RAD51B: variants seen among roughly 807,000 people sequenced by gnomAD.
RAD51B encodes RAD51 paralog B, also known as DNA repair protein RAD51 homolog 2.
A neutral mutation model predicts 42.2 loss-of-function variants in RAD51B; 38 were observed. The ratio of observed to expected loss-of-function variants is 0.90; its 90% CI spans 0.70 to 1.18. RAD51B has a LOEUF of 1.18. RAD51B is among the 50% of genes most tolerant of loss of function. The pLI is 0.00. For synonymous variants in RAD51B, 154 were observed against 145.2 expected (o/e 1.06, Z -0.43); for missense variants, 373 against 400.7 (o/e 0.93, Z 0.59).
chr14:68,184,092 CAAAAAA>C, intron 7 of RAD51B, among the ~76,000 whole-genome samples: 1 of 113,284 alleles, frequency 8.8e-6, no homozygotes, highest in African/African-American at 3.5e-5. Flanking sequence ...GACTCCATCT[CAAAAAA>C]AAAAAAAAAA....
At chr14:68,011,290 A>G (rs184037714) in intron 7 of RAD51B, among the ~76,000 whole-genome samples, 3 of 152,164 alleles carry the variant, frequency 2.0e-5, no homozygotes, top group Admixed American at 6.5e-5. Flanking sequence ...AAATTTATTT[A>G]CTTTTACATT....
At chr14:67,841,705 C>T (rs907452913) in intron 4 of RAD51B, among the ~76,000 whole-genome samples, 7 of 152,018 alleles carry the variant, frequency 4.6e-5, no homozygotes, top group African/African-American at 1.7e-4. Context: ...TTTTCGTTGA[C>T]TTTGTCAAAG....
At chr14:67,915,684 TAA>T (rs1175418631) in intron 7 of RAD51B, among the ~76,000 whole-genome samples, 1 of 152,220 alleles carries the variant, frequency 6.6e-6, no homozygotes, top group Non-Finnish European at 1.5e-5. Flanking sequence ...CATTCTTATA[TAA>T]GAGTTGGATT....
intron 7 of RAD51B, among the ~76,000 whole-genome samples, chr14:67,900,164 TA>T (rs2043562205): frequency 6.6e-6 from 1 of 152,228 alleles, no homozygotes; most frequent in African/African-American, 2.4e-5. Context: ...AATATTTGAT[TA>T]TTTGCAGCTT....
At chr14:68,427,232 T>A (rs1460180797) in intron 9 of RAD51B, among the ~76,000 whole-genome samples, 2 of 152,116 alleles carry the variant, frequency 1.3e-5, no homozygotes, top group African/African-American at 4.8e-5. Context: ...AACTGTGGGG[T>A]TGCAGCTGCC....
In RAD51B at chr14:68,235,539, C is replaced by G. The variant is rs1258758158; in HGVS notation, c.757-56345C>G. Among the ~76,000 whole-genome samples, 18 of 150,764 alleles carry G rather than the reference C, an allele frequency of 1.2e-4. No homozygotes were observed. The East Asian group carries it at 3.1e-3, about 26-fold the overall frequency. On this transcript the variant is annotated intron_variant, in intron 7 of 10. Coordinates refer to ENST00000471583, the MANE Select transcript of RAD51B (RefSeq NM_133510.4). Reference sequence around the variant, plus strand: ...CTAAAACGGTGAAACCCCGTCTCTACTAAAAATACAAAAAATTAGCCGGGC... The same window carrying G: ...CTAAAACGGTGAAACCCCGTCTCTAGTAAAAATACAAAAAATTAGCCGGGC...
chr14:67,989,635 C>CAAAAAAAAAAAA (rs764608072), intron 7 of RAD51B, among the ~76,000 whole-genome samples: 1 of 66,888 alleles, frequency 1.5e-5, no homozygotes, highest in Admixed American at 1.7e-4. Flanking sequence ...AACTCTGTCT[C>CAAAAAAAAAAAA]AAAAAAAAAA....
chr14:68,191,150 C>A (rs2079258515), intron 7 of RAD51B, among the ~76,000 whole-genome samples: 3 of 152,036 alleles, frequency 2.0e-5, no homozygotes, highest in Admixed American at 2.0e-4. Context: ...GTTTTCTTGG[C>A]AGAGATGGGA....
intron 10 of RAD51B, among the ~76,000 whole-genome samples, chr14:68,507,758 T>G (rs1432165856): frequency 1.3e-5 from 2 of 152,348 alleles, no homozygotes; most frequent in African/African-American, 4.8e-5. Flanking sequence ...GCTCAGGACC[T>G]TGTCCAATCA....
At chr14:67,898,827 T>G (rs1380734255) in intron 7 of RAD51B, among the ~76,000 whole-genome samples, 1 of 152,216 alleles carries the variant, frequency 6.6e-6, no homozygotes, top group African/African-American at 2.4e-5. Context: ...ATTAAAAATA[T>G]TTCCCAAACA....
chr14:68,470,899 T>C (rs1302844045), intron 10 of RAD51B, among the ~76,000 whole-genome samples: 4 of 151,006 alleles, frequency 2.6e-5, no homozygotes, highest in African/African-American at 9.8e-5. Context: ...TCAGCCCAGT[T>C]GTACCCTTGA....
At position 68,385,422 on chromosome 14, in the gene RAD51B, AT is replaced by A. The variant is rs2083573085; in HGVS notation, c.854-26001del. On this transcript the variant is annotated intron_variant, in intron 8 of 10. Transcript: ENST00000471583. ...AGGCAACTGCAATTTCAGGCTGACC[AT>A]CTTGGAAGTTTGATGGCACTGAGTA... 2.0e-5 allele frequency among the ~76,000 whole-genome samples: 3 copies of A among 152,314 alleles called. No individual in the cohort carries two copies. In the South Asian group the frequency reaches 6.2e-4, roughly 32 times the overall value.
At chr14:68,571,949 A>G (rs1015522666) in intron 10 of RAD51B, among the ~76,000 whole-genome samples, 1 of 152,208 alleles carries the variant, frequency 6.6e-6, no homozygotes, top group African/African-American at 2.4e-5. Flanking sequence ...GCGGCACAGA[A>G]AGTGGACATC....
intron 3 of RAD51B, among the ~76,000 whole-genome samples, chr14:67,827,162 T>C (rs746681763): frequency 3.9e-5 from 6 of 152,228 alleles, no homozygotes; most frequent in Non-Finnish European, 8.8e-5. Flanking sequence ...TAAAATACTA[T>C]GCAATGATTC....
chr14:68,680,096 T>C (rs1893395510), intron 11 of RAD51B, among the ~76,000 whole-genome samples: 1 of 152,214 alleles, frequency 6.6e-6, no homozygotes, highest in Non-Finnish European at 1.5e-5. Context: ...ATTACCTCAA[T>C]ATATTATGTG....
At chr14:67,956,722 G>A (rs1267550226) in intron 7 of RAD51B, among the ~76,000 whole-genome samples, 1 of 152,104 alleles carries the variant, frequency 6.6e-6, no homozygotes, top group East Asian at 1.9e-4. Context: ...TTGTAACTAA[G>A]AGTTGCACTG....
chr14:68,403,315 CT>C lies in RAD51B; in HGVS notation c.854-8097del, dbSNP rs5809380. ...GGGAGTCATTGCTTTGTTTTTTTGA[CT>C]TTTTTTTTTTTAACATGGAAAAGCA... is the stretch of plus-strand genomic sequence containing the variant. On this transcript the variant is annotated intron_variant, in intron 8 of 10. Coordinates refer to ENST00000471583, the MANE Select transcript of RAD51B (RefSeq NM_133510.4). Among the ~76,000 whole-genome samples, 709 of 147,728 alleles carry C rather than the reference CT, an allele frequency of 4.8e-3. 3 individuals carry two copies. The highest frequency in any genetic ancestry group is 0.015 in the African/African-American group (624 of 40,274).
chr14:68,649,170 C>T (rs1892648217), intron 10 of RAD51B, among the ~76,000 whole-genome samples: 1 of 152,194 alleles, frequency 6.6e-6, no homozygotes, highest in African/African-American at 2.4e-5. Flanking sequence ...GCTCCCAGCT[C>T]CAAGCTCCGA....
chr14:68,649,416 A>G (rs1053486646), intron 10 of RAD51B, among the ~76,000 whole-genome samples: 17 of 151,414 alleles, frequency 1.1e-4, no homozygotes, highest in African/African-American at 4.1e-4. Context: ...TCCATTCTCT[A>G]CTCCCCACTT....
Sources: allele counts gnomAD v4.1 joint callset (sites outside exome capture counted in the v4.1 genomes callset), GRCh38; gene constraint gnomAD v4.1.1; transcripts MANE v1.5; gene names NCBI Gene and HGNC (gene_info 2026-07-23, HGNC 2026-07-21).